Variants in THADA observed in about 807,000 individuals in gnomAD.
THADA encodes tRNA (32-2'-O)-methyltransferase regulator THADA.
THADA carries 213 observed loss-of-function variants against 219.8 expected under a neutral mutation model. That is an observed-to-expected ratio of 0.97 (90% CI 0.87 to 1.09). The LOEUF (loss-of-function observed/expected upper bound fraction) is 1.09, where lower values mean the gene tolerates loss of function less well. THADA is among the 50% of genes least tolerant of loss of function. THADA has a pLI of 0.00. For missense variants in THADA, 2,956 were observed against 2,311.3 expected (o/e 1.28, Z -5.72); for synonymous variants, 1,018 against 828.9 (o/e 1.23, Z -3.92).
chr2:43,473,507 G>C (rs369677389), intron 26 of THADA, among the ~76,000 whole-genome samples: 19 of 151,988 alleles, frequency 1.3e-4, no homozygotes, highest in African/African-American at 4.4e-4. Flanking sequence ...TAATAAGTAG[G>C]AGTACACTCT....
In THADA at chr2:43,577,313, C is replaced by T. The variant is rs1699964469; in HGVS notation, c.817-71G>A. On this transcript the variant is annotated intron_variant, in intron 9 of 37. Transcript: ENST00000405975. ...TTTCAGAGATATTTCAAAATACAAA[C>T]CCAAACATCTCTTTCCCCTGAAAAA... 9 of 1,216,010 alleles carry T rather than the reference C, an allele frequency of 7.4e-6. No homozygotes were observed. The South Asian group carries it at 1.0e-4, about 14-fold the overall frequency. 75.3% of individuals were successfully genotyped at this position (1,216,010 alleles called of 1,614,324 possible). A position where few individuals can be genotyped will look rare whatever the true frequency, so the allele number is the denominator to read the frequency against.
intron 28 of THADA, among the ~76,000 whole-genome samples, chr2:43,413,061 AACG>A (rs1293181923): frequency 1.3e-5 from 2 of 152,200 alleles, no homozygotes; most frequent in Non-Finnish European, 2.9e-5. Context: ...ATTTGGGGTT[AACG>A]ATAAAAAAAG....
intron 28 of THADA, among the ~76,000 whole-genome samples, chr2:43,420,061 G>C (rs1396633433): frequency 6.6e-6 from 1 of 152,070 alleles, no homozygotes; most frequent in Non-Finnish European, 1.5e-5. Context: ...CCCCTTGTTG[G>C]ATCCCCCTGA....
At chr2:43,233,225 G>T in intron 36 of THADA, 1 of 235,172 alleles carries the variant, frequency 4.3e-6, no homozygotes, top group Non-Finnish European at 8.5e-6. Flanking sequence ...TGTCTCCTCT[G>T]CACATCTGCC....
At chr2:43,578,072 T>C (rs1333342816) in intron 9 of THADA, among the ~76,000 whole-genome samples, 3 of 152,012 alleles carry the variant, frequency 2.0e-5, no homozygotes, top group Non-Finnish European at 4.4e-5. Flanking sequence ...TTGTCTCTTA[T>C]TATAACAGAA....
intron 36 of THADA, among the ~76,000 whole-genome samples, chr2:43,259,674 A>T (rs1313675900): frequency 1.3e-5 from 2 of 152,108 alleles, no homozygotes; most frequent in African/African-American, 4.8e-5. Context: ...ATACTGATTT[A>T]CTCCATTTTT....
chr2:43,483,104 T>C (rs1251584623), intron 26 of THADA, among the ~76,000 whole-genome samples: 2 of 152,164 alleles, frequency 1.3e-5, no homozygotes, highest in Non-Finnish European at 2.9e-5. Context: ...AGAACACACA[T>C]TTCCAAATTG....
At chr2:43,525,123 ACT>A (rs1335817939) in intron 22 of THADA, among the ~76,000 whole-genome samples, 2 of 152,122 alleles carry the variant, frequency 1.3e-5, no homozygotes, top group Admixed American at 1.3e-4. Flanking sequence ...AAAAAAACTT[ACT>A]CATCTTTATC....
chr2:43,459,545 C>G (rs956061111), intron 26 of THADA, among the ~76,000 whole-genome samples: 5 of 152,104 alleles, frequency 3.3e-5, no homozygotes, highest in Non-Finnish European at 7.4e-5. Flanking sequence ...AGACTAGAAA[C>G]TAAAAGTCAA....
At chr2:43,334,276 C>T (rs1489111765) in intron 30 of THADA, among the ~76,000 whole-genome samples, 12 of 151,904 alleles carry the variant, frequency 7.9e-5, no homozygotes, top group South Asian at 2.1e-4. Flanking sequence ...GATGGAGAAG[C>T]AGACGAGGCA....
At position 43,573,704 on chromosome 2, in the gene THADA, G is replaced by A. The variant is rs114697245; in HGVS notation, c.1729+632C>T. On this transcript the variant is annotated intron_variant, in intron 11 of 37. Transcript: ENST00000405975. Reference sequence around the variant, plus strand: ...AGTTGAAAATATTTCTTAAAATTATGCTGTACGATACTACATTCTTGCTTT... The same window carrying A: ...AGTTGAAAATATTTCTTAAAATTATACTGTACGATACTACATTCTTGCTTT... Among the ~76,000 whole-genome samples, 464 of 152,232 alleles carry A rather than the reference G, an allele frequency of 3.0e-3. 2 individuals carry two copies. The highest frequency in any genetic ancestry group is 0.011 in the African/African-American group (443 of 41,492).
chr2:43,557,463 T>C (rs1697511796), intron 16 of THADA, among the ~76,000 whole-genome samples: 1 of 152,094 alleles, frequency 6.6e-6, no homozygotes, highest in Admixed American at 6.6e-5. Context: ...AAACTGCAAA[T>C]CCCCTGGGAG....
intron 37 of THADA, among the ~76,000 whole-genome samples, chr2:43,231,667 G>A (rs1193259343): frequency 2.0e-5 from 3 of 152,172 alleles, no homozygotes; most frequent in Non-Finnish European, 4.4e-5. Context: ...CAAGGGAGTG[G>A]GCTCTAGAGT....
At chr2:43,450,015 C>CAAG (rs1464732501) in intron 26 of THADA, among the ~76,000 whole-genome samples, 1 of 151,992 alleles carries the variant, frequency 6.6e-6, no homozygotes, top group East Asian at 1.9e-4. Flanking sequence ...ACTTGCCCTG[C>CAAG]AAGAAATATA....
chr2:43,363,181 C>T (rs1248608587), intron 29 of THADA, among the ~76,000 whole-genome samples: 1 of 152,172 alleles, frequency 6.6e-6, no homozygotes, highest in Non-Finnish European at 1.5e-5. Flanking sequence ...AAACCAGGAA[C>T]ATAGTCATCT....
intron 26 of THADA, among the ~76,000 whole-genome samples, chr2:43,462,140 T>C (rs1268865272): frequency 6.6e-6 from 1 of 152,080 alleles, no homozygotes; most frequent in Non-Finnish European, 1.5e-5. Flanking sequence ...AAACCATAAA[T>C]AAGGAACCAA....
chr2:43,312,496 A>C (rs1359524644), intron 31 of THADA, among the ~76,000 whole-genome samples: 1 of 152,164 alleles, frequency 6.6e-6, no homozygotes, highest in Non-Finnish European at 1.5e-5. Context: ...GGGCCTCTGT[A>C]CTCAGCGCAA....
intron 29 of THADA, among the ~76,000 whole-genome samples, chr2:43,387,127 A>G (rs542528303): frequency 2.0e-5 from 3 of 152,318 alleles, no homozygotes; most frequent in East Asian, 1.9e-4. Context: ...GAGAGGATCA[A>G]TGAAACAGAC....
intron 30 of THADA, among the ~76,000 whole-genome samples, chr2:43,329,062 T>C (rs931654163): frequency 6.6e-6 from 1 of 152,172 alleles, no homozygotes; most frequent in African/African-American, 2.4e-5. Context: ...CTGGGGAAAC[T>C]GTTTTAGAGG....
Sources: gnomAD v4.1 joint callset for allele counts (sites outside exome capture counted in the v4.1 genomes callset) on GRCh38, gnomAD v4.1.1 for gene constraint, MANE v1.5 for transcripts, NCBI Gene and HGNC (gene_info 2026-07-23, HGNC 2026-07-21) for gene names.